CPEB3: variants seen among roughly 807,000 people sequenced by gnomAD.
CPEB3 encodes cytoplasmic polyadenylation element binding protein 3, also known as cytoplasmic polyadenylation element-binding protein 3.
A neutral mutation model predicts 67.2 loss-of-function variants in CPEB3; 20 were observed. That is an observed-to-expected ratio of 0.30 (90% confidence interval 0.21 to 0.43). The LOEUF (loss-of-function observed/expected upper bound fraction) is 0.43, where lower values mean the gene tolerates loss of function less well. CPEB3 is among the 20% of genes least tolerant of loss of function. The probability of loss-of-function intolerance (pLI) is 1.00; values close to 1 mark genes in which losing one functional copy is unlikely to be tolerated. For missense variants in CPEB3, 746 were observed against 968.6 expected, an observed-to-expected ratio of 0.77 and a Z score of 3.05; for synonymous variants, 376 against 393.1, an observed-to-expected ratio of 0.96 and a Z score of 0.51.
intron 2 of CPEB3, among the ~76,000 whole-genome samples, chr10:92,206,802 C>A (rs897573970): frequency 6.6e-5 from 10 of 152,044 alleles, no homozygotes; most frequent in Non-Finnish European, 1.2e-4. Flanking sequence ...TAAACCGTTT[C>A]CCCAAAATAT....
At chr10:92,104,663 G>A (rs1480202980) in intron 7 of CPEB3, among the ~76,000 whole-genome samples, 1 of 151,984 alleles carries the variant, frequency 6.6e-6, no homozygotes, top group Non-Finnish European at 1.5e-5. Context: ...TGGGATTATA[G>A]TCGTGAGGCA....
intron 4 of CPEB3, among the ~76,000 whole-genome samples, chr10:92,153,240 T>C (rs1416129570): frequency 6.6e-6 from 1 of 152,202 alleles, no homozygotes; most frequent in South Asian, 2.1e-4. Flanking sequence ...CTCTCTTCCC[T>C]CGAGCAGGCT....
At chr10:92,177,551 T>C (rs572399526) in intron 4 of CPEB3, among the ~76,000 whole-genome samples, 4 of 152,364 alleles carry the variant, frequency 2.6e-5, no homozygotes, top group African/African-American at 9.6e-5. Context: ...GTAGACTCTT[T>C]GGTTTACACA....
At chr10:92,201,867 A>ACTTC (rs2134250334) in intron 2 of CPEB3, among the ~76,000 whole-genome samples, 2 of 152,272 alleles carry the variant, frequency 1.3e-5, no homozygotes, top group East Asian at 3.9e-4. Context: ...TATTGTAATT[A>ACTTC]CTTCTTTACA....
At chr10:92,277,958 G>C (rs910854580) in intron 1 of CPEB3, among the ~76,000 whole-genome samples, 1 of 151,724 alleles carries the variant, frequency 6.6e-6, no homozygotes, top group Non-Finnish European at 1.5e-5. Flanking sequence ...GCCAAGGTGG[G>C]TGGATCATGA....
At chr10:92,207,983 C>G (rs1849874931) in intron 2 of CPEB3, among the ~76,000 whole-genome samples, 2 of 152,142 alleles carry the variant, frequency 1.3e-5, no homozygotes, top group Non-Finnish European at 2.9e-5. Flanking sequence ...TTTGATAGTC[C>G]TGTTGTTGGC....
intron 4 of CPEB3, among the ~76,000 whole-genome samples, chr10:92,178,132 C>T (rs975381356): frequency 5.3e-5 from 8 of 151,630 alleles, no homozygotes; most frequent in African/African-American, 1.9e-4. Flanking sequence ...AACAATGTTT[C>T]AGGATTTGTT....
intron 3 of CPEB3, among the ~76,000 whole-genome samples, chr10:92,183,400 G>C (rs992404422): frequency 6.6e-6 from 1 of 152,092 alleles, no homozygotes; most frequent in Non-Finnish European, 1.5e-5. Flanking sequence ...ACCTTGATCA[G>C]AACCTATAAT....
chr10:92,268,157 T>C (rs1454632019), intron 1 of CPEB3, among the ~76,000 whole-genome samples: 2 of 152,182 alleles, frequency 1.3e-5, no homozygotes, highest in African/African-American at 4.8e-5. Flanking sequence ...AAAATCTTGG[T>C]TAATCAAATT....
intron 9 of CPEB3, among the ~76,000 whole-genome samples, chr10:92,074,617 G>A (rs1204126509): frequency 1.3e-5 from 2 of 152,202 alleles, no homozygotes; most frequent in South Asian, 2.1e-4. Flanking sequence ...AGAAATAGGG[G>A]AAAAGGCCAG....
Position 92,289,718 on chromosome 10 carries a change from C to CAAAAAAAAAA in CPEB3, c.-12+1198_-12+1207dup, listed in dbSNP as rs749285662. Among the ~76,000 whole-genome samples the CAAAAAAAAAA allele has an allele frequency of 3.8e-3, 117 of 30,928 alleles. 15 individuals carry two copies. Among genetic ancestry groups the CAAAAAAAAAA allele is most frequent in the African/African-American group, 0.029 (72 of 2,492 alleles). 20.3% of individuals were successfully genotyped at this position (30,928 alleles called of 152,430 possible). ...CAACATGGCGAGACCGCGTCTCTAC[C>CAAAAAAAAAA]AAAAAAAAAAAAAAATATATATATA... is the stretch of plus-strand genomic sequence containing the variant. On this transcript the variant is annotated intron_variant, in intron 1 of 9. Coordinates refer to ENST00000265997, the MANE Select transcript of CPEB3 (RefSeq NM_014912.5).
chr10:92,240,147 C>A lies in CPEB3; in HGVS notation c.204G>T (p.Pro68=). 6 of 1,562,580 alleles carry A rather than the reference C, an allele frequency of 3.8e-6. No homozygotes were observed. The highest frequency in any genetic ancestry group is 5.2e-6 in the Non-Finnish European group (6 of 1,152,936). Reference sequence around the variant, plus strand: ...GCGGTGATTCCATCTGCATCTTGTCCGGGCCGTTGGGGGCCGGGGGGGCAG... The same window carrying A: ...GCGGTGATTCCATCTGCATCTTGTCAGGGCCGTTGGGGGCCGGGGGGGCAG... ...PAAAPPAPNG[P]DKMQMESPLL... is the part of the protein sequence containing the mutation. Residue 68 remains proline, a synonymous_variant, in exon 2 of 10, where the codon CCG becomes CCT. Coordinates refer to ENST00000265997, the MANE Select transcript of CPEB3 (RefSeq NM_014912.5).
At chr10:92,055,108 C>G (rs1842062095) in intron 9 of CPEB3, among the ~76,000 whole-genome samples, 1 of 152,204 alleles carries the variant, frequency 6.6e-6, no homozygotes, top group African/African-American at 2.4e-5. Context: ...ATACAAATAC[C>G]TACTGCAAGC....
chr10:92,118,819 C>T (rs771060115), intron 6 of CPEB3: 8 of 766,868 alleles, frequency 1.0e-5, no homozygotes, highest in Non-Finnish European at 1.5e-5. Flanking sequence ...TATCTCCCCA[C>T]GTCACTATCT....
At chr10:92,250,110 CAG>C (rs1852231503) in intron 1 of CPEB3, among the ~76,000 whole-genome samples, 1 of 151,304 alleles carries the variant, frequency 6.6e-6, no homozygotes, top group South Asian at 2.1e-4. Flanking sequence ...TCTTTTGAGA[CAG>C]AGTCTTGCTC....
rs531734033 is a variant in CPEB3, at chr10:92,167,762, G to A, written c.1222+13201C>T. Among the ~76,000 whole-genome samples the A allele has an allele frequency of 3.9e-5, 6 of 152,122 alleles. No homozygotes were observed. In the East Asian group the frequency reaches 1.2e-3, roughly 29 times the overall value. Reference sequence around the variant, plus strand: ...TCTCTACTAAAAAATATAAAAATTAGCCAGGTGTGGTGGCGCACACCTGTA... The same window carrying A: ...TCTCTACTAAAAAATATAAAAATTAACCAGGTGTGGTGGCGCACACCTGTA... On this transcript the variant is annotated intron_variant, in intron 4 of 9. Transcript: ENST00000265997.
At chr10:92,086,644 G>A (rs1230783775) in intron 8 of CPEB3, among the ~76,000 whole-genome samples, 1 of 152,224 alleles carries the variant, frequency 6.6e-6, no homozygotes, top group Non-Finnish European at 1.5e-5. Context: ...GCACACTGCT[G>A]AGGACAGAGT....
intron 4 of CPEB3, among the ~76,000 whole-genome samples, chr10:92,170,966 T>C (rs532877098): frequency 4.6e-5 from 7 of 152,310 alleles, no homozygotes; most frequent in African/African-American, 1.4e-4. Flanking sequence ...ACTTGCTAGT[T>C]CTACATTTCT....
intron 1 of CPEB3, among the ~76,000 whole-genome samples, chr10:92,253,890 G>A (rs974558431): frequency 6.6e-6 from 1 of 151,974 alleles, no homozygotes; most frequent in African/African-American, 2.4e-5. Flanking sequence ...TATGTGCCAG[G>A]CTGTACTAGA....
Sources: allele counts gnomAD v4.1 joint callset (sites outside exome capture counted in the v4.1 genomes callset), GRCh38; gene constraint gnomAD v4.1.1; transcripts MANE v1.5; gene names NCBI Gene and HGNC (gene_info 2026-07-23, HGNC 2026-07-21).